Variants in NFATC3 observed in about 807,000 individuals in gnomAD.
NFATC3 encodes the protein nuclear factor of activated T cells 3.
In NFATC3, 46 loss-of-function variants were observed where a neutral mutation model predicts 98.6. The ratio of observed to expected loss-of-function variants is 0.47; its 90% CI spans 0.37 to 0.60. The LOEUF is 0.60. Ranked by LOEUF, NFATC3 falls within the 20% of genes least tolerant of loss-of-function variation. NFATC3 has a pLI of 0.00. For synonymous variants in NFATC3, 512 were observed against 472.2 expected (o/e 1.08, Z -1.09); for missense variants, 1,256 against 1,295.5 (o/e 0.97, Z 0.47).
At position 68,122,007 on chromosome 16, in the gene NFATC3, G is replaced by T. The variant is rs1468693919; in HGVS notation, c.124G>T (p.Ala42Ser). The T allele has an allele frequency of 1.2e-6, 2 of 1,600,590 alleles. No homozygotes were observed. Among genetic ancestry groups the T allele is most frequent in the South Asian group, 1.1e-5 (1 of 89,814 alleles). Residue 42 changes from alanine (A) to serine (S), a missense_variant, in exon 2 of 10, where the codon GCA becomes TCA. Ala to Ser is a moderately conservative substitution (Grantham distance 99, BLOSUM62 1). Coordinates refer to ENST00000346183, the MANE Select transcript of NFATC3 (RefSeq NM_173165.3). ...CGTAGATCTTGAGCCAGATGATTGT[G>T]CATCCATTTACATCTTTAATGTAGA... ...RPADLEPDDC[A>S]SIYIFNVDPP...
chr16:68,191,679 C>G lies in NFATC3; in HGVS notation c.3010C>G (p.Pro1004Ala). ...CAGTTTGTGTGATCCAGCGTCATTTCCACCTGATGGGGCAACTGTGAGCAT... is the reference window on the plus strand; with the variant it reads ...CAGTTTGTGTGATCCAGCGTCATTTGCACCTGATGGGGCAACTGTGAGCAT... Reference protein sequence around the residue: ...CHSLCDPASFPPDGATVSIKP... With the variant: ...CHSLCDPASFAPDGATVSIKP... Residue 1004 changes from proline (P) to alanine (A), a missense_variant, in exon 9 of 10, where the codon CCA (proline) becomes GCA (alanine). Around this residue, in one of 3 missense-constraint regions of NFATC3, gnomAD observed 636 missense variants for 617.3 expected, o/e 1.03. Transcript: ENST00000346183. 3.7e-6 allele frequency: 6 copies of G among 1,614,124 alleles called. No individual in the cohort carries two copies. The highest frequency in any genetic ancestry group is 5.1e-6 in the Non-Finnish European group (6 of 1,180,028).
chr16:68,190,763 T>G lies in NFATC3; in HGVS notation c.2099-5T>G, dbSNP rs781196770. The G allele has an allele frequency of 6.3e-7, 1 of 1,586,706 alleles. No individual in the cohort carries two copies. The highest frequency in any genetic ancestry group is 8.6e-7 in the Non-Finnish European group (1 of 1,166,640). ...TAATATTTGCTTTAATCATTTTCTT[T>G]TCAGTTTTGATGAAGCAAGAACACA... On this transcript the variant is annotated splice_region_variant and splice_polypyrimidine_tract_variant and intron_variant, in intron 8 of 9. Transcript: ENST00000346183.
chr16:68,177,827 G>A (rs563746975), intron 6 of NFATC3, among the ~76,000 whole-genome samples: 3 of 151,348 alleles, frequency 2.0e-5, no homozygotes, highest in South Asian at 4.2e-4. Context: ...TTTCTCTATC[G>A]CTTAGCATCC....
chr16:68,139,380 T>G (rs1598429419), intron 3 of NFATC3, among the ~76,000 whole-genome samples: 1 of 152,310 alleles, frequency 6.6e-6, no homozygotes, highest in Admixed American at 6.5e-5. Flanking sequence ...CTTTGAACAG[T>G]TTGACCAACA....
chr16:68,167,123 C>A (rs898592822), intron 5 of NFATC3, 108 bp downstream of exon 5: 9 of 1,138,288 alleles, frequency 7.9e-6, no homozygotes, highest in Admixed American at 2.3e-5. Context: ...GGCATACAAT[C>A]TGGGTTGCTG....
intron 7 of NFATC3, 146 bp from the exon 8 acceptor site, chr16:68,183,094 A>G: frequency 1.3e-6 from 1 of 764,606 alleles, no homozygotes; most frequent in Non-Finnish European, 2.0e-6. Flanking sequence ...CCTTTAGTAA[A>G]TCTCCAGATG....
chr16:68,150,847 TGTAA>T (rs1462858645), intron 3 of NFATC3, among the ~76,000 whole-genome samples: 1 of 152,094 alleles, frequency 6.6e-6, no homozygotes, highest in East Asian at 1.9e-4. Context: ...CTGATGGCTT[TGTAA>T]GTGTTTGGTA....
At chr16:68,162,421 A>G (rs2038936239) in intron 4 of NFATC3, among the ~76,000 whole-genome samples, 1 of 152,162 alleles carries the variant, frequency 6.6e-6, no homozygotes, top group Non-Finnish European at 1.5e-5. Flanking sequence ...TAAAATTCCC[A>G]GGTGATAGAT....
At chr16:68,112,020 G>T (rs1219913809) in intron 1 of NFATC3, among the ~76,000 whole-genome samples, 1 of 151,998 alleles carries the variant, frequency 6.6e-6, no homozygotes, top group Non-Finnish European at 1.5e-5. Flanking sequence ...CCTTTGTGGT[G>T]ATCTGTCCTC....
intron 3 of NFATC3, among the ~76,000 whole-genome samples, chr16:68,133,119 A>C (rs1382908073): frequency 6.6e-6 from 1 of 152,098 alleles, no homozygotes; most frequent in Non-Finnish European, 1.5e-5. Context: ...TACAAAAATT[A>C]ACTGGGCGTG....
At chr16:68,112,645 C>CTTTTTTTTTTTTTTT (rs1567503218) in intron 1 of NFATC3, among the ~76,000 whole-genome samples, 3 of 119,238 alleles carry the variant, frequency 2.5e-5, no homozygotes, top group Admixed American at 8.6e-5. Flanking sequence ...TTTTCTTTTT[C>CTTTTTTTTTTTTTTT]GTTTTTTTTT....
chr16:68,227,388 G>C lies in NFATC3; in HGVS notation c.*917G>C, dbSNP rs1474976527. ...CAAACAGAAGCATCTGCCTTTGGCT[G>C]TTCTGTGACCTTTGAAGCCAGTCTC... On this transcript the variant is annotated 3_prime_UTR_variant, in exon 10 of 10. Transcript: ENST00000346183. 6.6e-6 allele frequency: 1 copy of C among 152,182 alleles called. No homozygotes were observed. The highest frequency in any genetic ancestry group is 1.5e-5 in the Non-Finnish European group (1 of 68,054). 9.4% of individuals were successfully genotyped at this position (152,182 alleles called of 1,614,324 possible).
At chr16:68,131,265 C>T (rs1279234591) in intron 3 of NFATC3, among the ~76,000 whole-genome samples, 1 of 152,068 alleles carries the variant, frequency 6.6e-6, no homozygotes, top group Non-Finnish European at 1.5e-5. Flanking sequence ...TCTTATACAA[C>T]AACAACTTTT....
At chr16:68,201,259 C>T (rs2151135126) in intron 9 of NFATC3, among the ~76,000 whole-genome samples, 1 of 150,184 alleles carries the variant, frequency 6.7e-6, no homozygotes, top group Middle Eastern at 3.5e-3. Flanking sequence ...GAGACAGGGT[C>T]TCACTCTGTT....
intron 3 of NFATC3, among the ~76,000 whole-genome samples, chr16:68,138,300 A>G (rs779427409): frequency 8.6e-5 from 13 of 151,892 alleles, no homozygotes; most frequent in Non-Finnish European, 1.3e-4. Context: ...CAGCCTCCCA[A>G]AGTGCTGGGA....
At chr16:68,134,820 G>T (rs1454845108) in intron 3 of NFATC3, among the ~76,000 whole-genome samples, 3 of 152,042 alleles carry the variant, frequency 2.0e-5, no homozygotes, top group Non-Finnish European at 2.9e-5. Flanking sequence ...GTTGAGTGTT[G>T]TCAACTGCTT....
chr16:68,103,043 T>C (rs1301482140), intron 1 of NFATC3, among the ~76,000 whole-genome samples: 1 of 152,190 alleles, frequency 6.6e-6, no homozygotes. Context: ...TGTCCATTTT[T>C]TAATTCAGCT....
At chr16:68,154,541 A>G (rs1158390647) in intron 3 of NFATC3, among the ~76,000 whole-genome samples, 2 of 152,148 alleles carry the variant, frequency 1.3e-5, no homozygotes, top group African/African-American at 2.4e-5. Context: ...AAGGGCAGGA[A>G]TTTATTCTTA....
chr16:68,189,360 T>C, intron 8 of NFATC3: 1 of 213,600 alleles, frequency 4.7e-6, no homozygotes. Context: ...AATCAATGCC[T>C]TATTTATTCC....
Sources: gnomAD v4.1 joint callset for allele counts (sites outside exome capture counted in the v4.1 genomes callset) on GRCh38, gnomAD v4.1.1 for gene constraint, gnomAD v4.1.1 regional missense constraint, MANE v1.5 for transcripts, NCBI Gene and HGNC (gene_info 2026-07-23, HGNC 2026-07-21) for gene names.